Variants in PGAP4 observed in about 807,000 individuals in gnomAD.
PGAP4 encodes the protein GPI-N-acetylgalactosamine transferase PGAP4.
A neutral mutation model predicts 28.2 loss-of-function variants in PGAP4; 12 were observed. The observed-to-expected ratio is 0.42, with a 90% CI of 0.27 to 0.69. The LOEUF is 0.69. Ranked by LOEUF, PGAP4 falls within the 30% of genes least tolerant of loss-of-function variation. PGAP4 has a pLI of 0.22. For missense variants in PGAP4, 425 were observed against 513.5 expected, an observed-to-expected ratio of 0.83 and a Z score of 1.67; for synonymous variants, 205 against 211.8, an observed-to-expected ratio of 0.97 and a Z score of 0.28.
intron 2 of PGAP4, among the ~76,000 whole-genome samples, chr9:101,510,635 T>C (rs1438765374): frequency 1.3e-5 from 2 of 152,296 alleles, no homozygotes; most frequent in East Asian, 1.9e-4. Context: ...TGTTTCATAA[T>C]TGGGTATTTT....
intron 1 of PGAP4, among the ~76,000 whole-genome samples, chr9:101,479,108 G>A (rs1826408742): frequency 1.4e-5 from 2 of 145,076 alleles, no homozygotes; most frequent in Admixed American, 1.4e-4. Context: ...TTTGAATTAT[G>A]CAACCCCAGT....
At position 101,522,938 on chromosome 9, in the gene PGAP4, A is replaced by G. The variant is rs567746756; in HGVS notation, c.-165+8410T>C. 2.6e-5 allele frequency among the ~76,000 whole-genome samples: 4 copies of G among 152,270 alleles called. No individual in the cohort carries two copies. The South Asian group carries it at 8.3e-4, about 32-fold the overall frequency. On this transcript the variant is annotated intron_variant, in intron 2 of 3. Transcript: ENST00000374851. Reference sequence around the variant, plus strand: ...TGGCTTGGTAATGGCAAATTCTCTCAGCATTTGTTTGTCTGAAAAAGACTG... The same window carrying G: ...TGGCTTGGTAATGGCAAATTCTCTCGGCATTTGTTTGTCTGAAAAAGACTG...
intron 1 of PGAP4, among the ~76,000 whole-genome samples, chr9:101,477,997 T>C (rs1267873634): frequency 2.0e-5 from 3 of 152,150 alleles, no homozygotes; most frequent in Non-Finnish European, 4.4e-5. Flanking sequence ...CTGTGTGATA[T>C]GATGATTCAG....
intron 2 of PGAP4, among the ~76,000 whole-genome samples, chr9:101,513,797 G>A (rs1175465600): frequency 6.6e-6 from 1 of 152,038 alleles, no homozygotes; most frequent in Non-Finnish European, 1.5e-5. Flanking sequence ...CCCTGGGATG[G>A]CAATATTGTG....
intron 1 of PGAP4, among the ~76,000 whole-genome samples, chr9:101,481,715 G>A (rs1346191604): frequency 1.3e-5 from 2 of 152,182 alleles, no homozygotes; most frequent in South Asian, 2.1e-4. Context: ...GGATCCACGG[G>A]TGTGGAAGAC....
At chr9:101,511,672 T>C (rs1826900094) in intron 2 of PGAP4, among the ~76,000 whole-genome samples, 2 of 152,162 alleles carry the variant, frequency 1.3e-5, no homozygotes, top group African/African-American at 4.8e-5. Flanking sequence ...GAAACCATTA[T>C]AAAATTGCAA....
intron 2 of PGAP4, among the ~76,000 whole-genome samples, chr9:101,515,090 C>G (rs1312041207): frequency 1.3e-5 from 2 of 152,158 alleles, no homozygotes; most frequent in African/African-American, 4.8e-5. Context: ...CAAAACAACA[C>G]AAATTTATTC....
At chr9:101,477,909 C>T (rs1826372478) in intron 1 of PGAP4, among the ~76,000 whole-genome samples, 2 of 149,806 alleles carry the variant, frequency 1.3e-5, no homozygotes, top group South Asian at 4.3e-4. Flanking sequence ...AGTAGCTTTT[C>T]AATGAGGGAG....
intron 2 of PGAP4, among the ~76,000 whole-genome samples, chr9:101,529,482 A>G (rs1827067268): frequency 6.6e-6 from 1 of 152,072 alleles, no homozygotes; most frequent in Non-Finnish European, 1.5e-5. Flanking sequence ...GAGAGCATTA[A>G]ACTAAATGGG....
At chr9:101,496,923 T>G (rs1402412401) in intron 2 of PGAP4, among the ~76,000 whole-genome samples, 2 of 150,576 alleles carry the variant, frequency 1.3e-5, no homozygotes, top group African/African-American at 4.8e-5. Context: ...CAATAAAGAA[T>G]GTTTTTTCAT....
At chr9:101,494,174 C>G (rs1826715988) in intron 2 of PGAP4, among the ~76,000 whole-genome samples, 1 of 151,656 alleles carries the variant, frequency 6.6e-6, no homozygotes, top group African/African-American at 2.4e-5. Flanking sequence ...TGAAGATAGG[C>G]ATTTTATGTA....
intron 2 of PGAP4, among the ~76,000 whole-genome samples, chr9:101,494,587 G>C (rs1042635282): frequency 6.6e-6 from 1 of 151,704 alleles, no homozygotes; most frequent in Non-Finnish European, 1.5e-5. Context: ...CATTAGTTTT[G>C]TATTAGAGTT....
At position 101,476,026 on chromosome 9, in the gene PGAP4, C is replaced by T; in HGVS notation, c.1067G>A (p.Cys356Tyr). The T allele has an allele frequency of 6.2e-7, 1 of 1,614,150 alleles. No homozygotes were observed. The highest frequency in any genetic ancestry group is 8.5e-7 in the Non-Finnish European group (1 of 1,180,020). The change falls in exon 2 of 2, where the codon TGC becomes TAC. Residue 356 changes from cysteine to tyrosine, a missense_variant. Cys to Tyr is a radical substitution (Grantham distance 194). Coordinates refer to ENST00000374848, the MANE Select transcript of PGAP4 (RefSeq NM_032342.3). The surrounding 1 kb of genome is among the most constrained non-coding windows in gnomAD (Gnocchi z 7.0). ...CATGTCCTTGCCAAAGCCCTTGTGG[C>T]AGTACACTTGGGACAGGTAGGTGAG... ...RTLTYLSQVYCHKGFGKDMAL... is the reference protein window; with the variant it reads ...RTLTYLSQVYYHKGFGKDMAL...
intron 2 of PGAP4, among the ~76,000 whole-genome samples, chr9:101,501,472 T>A (rs563025940): frequency 6.6e-6 from 1 of 151,710 alleles, no homozygotes; most frequent in Non-Finnish European, 1.5e-5. Context: ...GGATAATAAC[T>A]TTTTTTTTCA....
In PGAP4 at chr9:101,476,665, A is replaced by G; in HGVS notation, c.428T>C (p.Leu143Pro). The change falls in exon 2 of 2, where the codon CTG (leucine) becomes CCG (proline). Residue 143 changes from leucine (L) to proline (P), a missense_variant. Leu to Pro is a moderately conservative substitution (Grantham distance 98). Coordinates refer to ENST00000374848, the MANE Select transcript of PGAP4 (RefSeq NM_032342.3). This position sits in a 1 kb window ranked among gnomAD's most constrained non-coding sequence, Gnocchi z 7.0. ...GCTCACACTACGCTCCACGTTGCAC[A>G]GGAAGAGTTGGTGCCCCTCGCACTG... Reference protein sequence around the residue: ...GPQCEGHQLFLCNVERSVSHF... With the variant: ...GPQCEGHQLFPCNVERSVSHF... 6.2e-7 allele frequency: 1 copy of G among 1,614,206 alleles called. No individual in the cohort carries two copies. Among genetic ancestry groups the G allele is most frequent in the Non-Finnish European group, 8.5e-7 (1 of 1,180,040 alleles).
intron 2 of PGAP4, among the ~76,000 whole-genome samples, chr9:101,495,189 TA>T (rs1223277476): frequency 6.5e-4 from 65 of 100,454 alleles, no homozygotes; most frequent in African/African-American, 2.2e-3. Flanking sequence ...ATTTTTTGTA[TA>T]ATATAAAATA....
chr9:101,482,742 T>C (rs1826522033), intron 1 of PGAP4, among the ~76,000 whole-genome samples: 1 of 152,204 alleles, frequency 6.6e-6, no homozygotes, highest in Admixed American at 6.5e-5. Flanking sequence ...AACCCAACCC[T>C]GACCTTTCCA....
chr9:101,528,206 T>C (rs776668889), intron 2 of PGAP4, among the ~76,000 whole-genome samples: 7 of 152,252 alleles, frequency 4.6e-5, no homozygotes, highest in South Asian at 2.1e-4. Flanking sequence ...TCTAGAATTC[T>C]GTACCAGTCA....
chr9:101,530,534 T>G (rs898954409), intron 2 of PGAP4, among the ~76,000 whole-genome samples: 1 of 152,266 alleles, frequency 6.6e-6, no homozygotes, highest in Non-Finnish European at 1.5e-5. Context: ...AATGCTGTTT[T>G]CCCATTTATA....
Sources: gnomAD v4.1 joint callset for allele counts (sites outside exome capture counted in the v4.1 genomes callset) on GRCh38, gnomAD v4.1.1 for gene constraint, Gnocchi (gnomAD v3.1) non-coding constraint, MANE v1.5 for transcripts, NCBI Gene and HGNC (gene_info 2026-07-23, HGNC 2026-07-21) for gene names.